SPAG16: variants seen among roughly 807,000 people sequenced by gnomAD.
The protein encoded by SPAG16 is sperm-associated antigen 16 protein.
Under a neutral mutation model 80.4 loss-of-function variants are expected in SPAG16, and 86 were observed. The ratio of observed to expected loss-of-function variants is 1.07; its 90% CI spans 0.90 to 1.28. SPAG16 has a LOEUF of 1.28. Ranked by LOEUF, SPAG16 falls within the 50% of genes most tolerant of loss-of-function variation. SPAG16 has a pLI of 0.00. For synonymous variants in SPAG16, 294 were observed against 265.9 expected, an observed-to-expected ratio of 1.11 and a Z score of -1.03; for missense variants, 870 against 765.3, an observed-to-expected ratio of 1.14 and a Z score of -1.61.
chr2:214,371,133 T>C (rs1057190111), intron 15 of SPAG16, among the ~76,000 whole-genome samples: 2 of 152,172 alleles, frequency 1.3e-5, no homozygotes, highest in African/African-American at 2.4e-5. Flanking sequence ...GTCTCCAGAA[T>C]GTAGACTAAC....
chr2:213,563,972 A>C (rs917416865), intron 10 of SPAG16, among the ~76,000 whole-genome samples: 3 of 152,168 alleles, frequency 2.0e-5, no homozygotes, highest in Non-Finnish European at 4.4e-5. Flanking sequence ...CTACCTGCCC[A>C]TTGGAAAGGG....
chr2:213,402,439 A>G (rs1477829007), intron 9 of SPAG16, among the ~76,000 whole-genome samples: 1 of 151,888 alleles, frequency 6.6e-6, no homozygotes, highest in Non-Finnish European at 1.5e-5. Context: ...TTTTATTATT[A>G]TTATACTTTA....
At chr2:214,270,695 T>A (rs1168854682) in intron 15 of SPAG16, among the ~76,000 whole-genome samples, 1 of 152,130 alleles carries the variant, frequency 6.6e-6, no homozygotes, top group African/African-American at 2.4e-5. Flanking sequence ...CTGAAATGCA[T>A]ATGCTTGATT....
chr2:213,396,967 A>C lies in SPAG16; in HGVS notation c.942+21848A>C, dbSNP rs146749669. Among the ~76,000 whole-genome samples, 15 of 152,230 alleles carry C rather than the reference A, an allele frequency of 9.9e-5. No homozygotes were observed. The East Asian group carries it at 2.9e-3, about 29-fold the overall frequency. On this transcript the variant is annotated intron_variant, in intron 9 of 15. Coordinates refer to ENST00000331683, the MANE Select transcript of SPAG16 (RefSeq NM_024532.5). ...TTTGTACTCTATTGAATTCAAGGTCAGTCAACAAAAAAGTCCTTTATATTT... is the reference window on the plus strand; with the variant it reads ...TTTGTACTCTATTGAATTCAAGGTCCGTCAACAAAAAAGTCCTTTATATTT...
rs2073864839 is a variant in SPAG16 at position 213,833,518 on chromosome 2, TA to T, written c.1071-28966del. On this transcript the variant is annotated intron_variant, in intron 10 of 15. Transcript: ENST00000331683. ...TAATATATATATTATATATAATATA[TA>T]TAATATATATATTATATATAATATA... Among the ~76,000 whole-genome samples the T allele has an allele frequency of 2.8e-3, 15 of 5,360 alleles. 1 individual carries two copies. Among genetic ancestry groups the T allele is most frequent in the South Asian group, 0.015 (3 of 198 alleles). The allele number at this position is 5,360 out of a possible 152,430, so 3.5% of individuals were successfully genotyped here. A position where few individuals can be genotyped will look rare whatever the true frequency, so the allele number is the denominator to read the frequency against.
At chr2:213,342,922 C>T (rs1363378266) in intron 6 of SPAG16, among the ~76,000 whole-genome samples, 1 of 151,716 alleles carries the variant, frequency 6.6e-6, no homozygotes, top group Non-Finnish European at 1.5e-5. Context: ...CCAGATATAA[C>T]CCAAGCAGAG....
intron 14 of SPAG16, among the ~76,000 whole-genome samples, chr2:214,114,804 G>T (rs189896503): frequency 9.1e-4 from 138 of 152,264 alleles, no homozygotes; most frequent in African/African-American, 3.2e-3. Flanking sequence ...GGCCCTCTGT[G>T]GGCTGCACCC....
intron 12 of SPAG16, among the ~76,000 whole-genome samples, chr2:213,987,096 G>A (rs541028736): frequency 6.6e-6 from 1 of 152,158 alleles, no homozygotes; most frequent in Admixed American, 6.6e-5. Flanking sequence ...TTTCCTCAAG[G>A]TGGGGGAAGT....
chr2:213,801,545 A>T (rs980408123), intron 10 of SPAG16, among the ~76,000 whole-genome samples: 5 of 152,192 alleles, frequency 3.3e-5, no homozygotes, highest in African/African-American at 1.2e-4. Context: ...ATCTTTACAC[A>T]CTGTCCAAAC....
intron 10 of SPAG16, among the ~76,000 whole-genome samples, chr2:213,830,943 T>C (rs2073603127): frequency 6.6e-6 from 1 of 152,034 alleles, no homozygotes. Flanking sequence ...TGATATATGG[T>C]AGAATAAGGG....
intron 10 of SPAG16, among the ~76,000 whole-genome samples, chr2:213,640,925 G>C (rs1257111388): frequency 6.6e-6 from 1 of 151,918 alleles, no homozygotes; most frequent in Admixed American, 6.6e-5. Flanking sequence ...GTAGTATAGA[G>C]GGGATACACC....
rs184330677 is a variant in SPAG16 at position 213,739,221 on chromosome 2, T to C, written c.1071-123264T>C. Among the ~76,000 whole-genome samples the C allele has an allele frequency of 1.8e-4, 28 of 152,350 alleles. No individual in the cohort carries two copies. In the East Asian group the frequency reaches 5.2e-3, roughly 28 times the overall value. On this transcript the variant is annotated intron_variant, in intron 10 of 15. Coordinates refer to ENST00000331683, the MANE Select transcript of SPAG16 (RefSeq NM_024532.5). ...CCCACGTAGCCTCAGTAGGATAATG[T>C]GGTTTGGTTAATTTGGCCCCCTATT...
intron 14 of SPAG16, among the ~76,000 whole-genome samples, chr2:214,138,776 T>A (rs2055196094): frequency 6.6e-6 from 1 of 152,162 alleles, no homozygotes; most frequent in Non-Finnish European, 1.5e-5. Context: ...ATAGCTTATC[T>A]CTCTCACATT....
chr2:213,430,476 T>A (rs1311617103), intron 9 of SPAG16, among the ~76,000 whole-genome samples: 2 of 152,192 alleles, frequency 1.3e-5, no homozygotes, highest in Admixed American at 6.5e-5. Flanking sequence ...TTCAATTTTT[T>A]AAAACTCATC....
At chr2:214,318,998 T>A (rs1482322794) in intron 15 of SPAG16, among the ~76,000 whole-genome samples, 1 of 152,108 alleles carries the variant, frequency 6.6e-6, no homozygotes, top group East Asian at 1.9e-4. Context: ...GCTTTCTCAT[T>A]ATGCTGCTAG....
At chr2:213,377,324 T>C (rs1422035071) in intron 9 of SPAG16, among the ~76,000 whole-genome samples, 2 of 152,204 alleles carry the variant, frequency 1.3e-5, no homozygotes, top group South Asian at 4.1e-4. Flanking sequence ...GGTGTAATCA[T>C]AATAACAACT....
At chr2:213,748,573 T>C (rs1327042188) in intron 10 of SPAG16, among the ~76,000 whole-genome samples, 1 of 152,162 alleles carries the variant, frequency 6.6e-6, no homozygotes, top group Non-Finnish European at 1.5e-5. Flanking sequence ...ATTGGATATG[T>C]TTACTGTGTT....
At position 213,735,501 on chromosome 2, in the gene SPAG16, G is replaced by A. The variant is rs181523496; in HGVS notation, c.1071-126984G>A. ...CAGGTGCTGGCTTCTTCCACCATGC[G>A]ATTCATCAACTGAAGCTCATATTGT... On this transcript the variant is annotated intron_variant, in intron 10 of 15. Transcript: ENST00000331683. Among the ~76,000 whole-genome samples the A allele has an allele frequency of 1.2e-3, 189 of 152,276 alleles. 3 individuals carry two copies. The highest frequency in any genetic ancestry group is 2.0e-3 in the Non-Finnish European group (135 of 68,020).
intron 11 of SPAG16, among the ~76,000 whole-genome samples, chr2:213,881,300 T>A (rs1479556072): frequency 6.6e-6 from 1 of 152,230 alleles, no homozygotes; most frequent in African/African-American, 2.4e-5. Context: ...TACTGATTTT[T>A]ACATATTGAT....
Sources: gnomAD v4.1 joint callset for allele counts (sites outside exome capture counted in the v4.1 genomes callset) on GRCh38, gnomAD v4.1.1 for gene constraint, MANE v1.5 for transcripts, NCBI Gene and HGNC (gene_info 2026-07-23, HGNC 2026-07-21) for gene names.